The following SYBU variants were observed in gnomAD, a reference collection of about 807,000 sequenced individuals.
SYBU encodes GOLSYN A protein.
A neutral mutation model predicts 35.9 loss-of-function variants in SYBU; 21 were observed. The observed-to-expected ratio is 0.58, with a 90% confidence interval of 0.41 to 0.84. The LOEUF (loss-of-function observed/expected upper bound fraction) is 0.84, where lower values mean the gene tolerates loss of function less well. Among genes scored for constraint, SYBU ranks in the 40% least tolerant of loss-of-function variants. The pLI is 0.00. For synonymous variants in SYBU, 319 were observed against 324.3 expected (o/e 0.98, Z 0.18); for missense variants, 768 against 848.2 (o/e 0.91, Z 1.17).
intron 3 of SYBU, among the ~76,000 whole-genome samples, chr8:109,613,186 C>G (rs1811384900): frequency 6.6e-6 from 1 of 152,118 alleles, no homozygotes; most frequent in South Asian, 2.1e-4. Flanking sequence ...CATGGGATAA[C>G]ATAACCTGCT....
At chr8:109,663,657 T>C (rs1461361183) in intron 1 of SYBU, among the ~76,000 whole-genome samples, 1 of 152,142 alleles carries the variant, frequency 6.6e-6, no homozygotes, top group African/African-American at 2.4e-5. Flanking sequence ...AGTCTTTCCT[T>C]ACCCCTAGTA....
At chr8:109,645,322 C>T (rs1192895017), upstream of SYBU, 2 of 456,596 alleles carry the variant, frequency 4.4e-6, no homozygotes, top group East Asian at 6.9e-5. Context: ...TCAGGACCGA[C>T]ACAGCCTCTG....
Position 109,574,748 on chromosome 8 carries a change from T to G in SYBU, c.*158A>C. 1.4e-6 allele frequency: 1 copy of G among 737,036 alleles called. No homozygotes were observed. Among genetic ancestry groups the G allele is most frequent in the Non-Finnish European group, 2.0e-6 (1 of 499,360 alleles). 45.7% of individuals were successfully genotyped at this position (737,036 alleles called of 1,614,324 possible). On this transcript the variant is annotated 3_prime_UTR_variant, in exon 7 of 7. Coordinates refer to ENST00000276646, the MANE Select transcript of SYBU (RefSeq NM_001099754.2). ...TCCATGCCTTTGAAGATACCTCCGG[T>G]TTTAAACAGTGAACAGGCTTCAACT...
chr8:109,591,635 C>G (rs929836301), intron 3 of SYBU, among the ~76,000 whole-genome samples: 3 of 149,562 alleles, frequency 2.0e-5, no homozygotes, highest in Non-Finnish European at 1.5e-5. Flanking sequence ...CCTCAGCCTC[C>G]CGAGTAGCTG....
At chr8:109,634,466 T>C (rs75503437) in intron 2 of SYBU, among the ~76,000 whole-genome samples, 1,623 of 152,352 alleles carry the variant, frequency 0.011, 27 homozygotes, top group African/African-American at 0.037. Flanking sequence ...ACTACTAAGA[T>C]AGTGCCATGC....
At chr8:109,653,950 A>C (rs1012840309) in intron 1 of SYBU, among the ~76,000 whole-genome samples, 1 of 152,200 alleles carries the variant, frequency 6.6e-6, no homozygotes, top group African/African-American at 2.4e-5. Flanking sequence ...CCTATCAGTT[A>C]GTCTCTCATA....
At chr8:109,579,105 T>A (rs1009373014) in intron 5 of SYBU, among the ~76,000 whole-genome samples, 1 of 152,084 alleles carries the variant, frequency 6.6e-6, no homozygotes, top group African/African-American at 2.4e-5. Context: ...GGCAGCCAGC[T>A]CCTTCCCTGA....
In SYBU at chr8:109,600,661, A is replaced by T. The variant is rs1321009977; in HGVS notation, c.428-14499T>A. On this transcript the variant is annotated intron_variant, in intron 3 of 6. Coordinates refer to ENST00000276646, the MANE Select transcript of SYBU (RefSeq NM_001099754.2). Reference sequence around the variant, plus strand: ...CAGGTCATGAACATAGAGAAAAGATAAATTCTGAAAATCACAAACTGCTGT... The same window carrying T: ...CAGGTCATGAACATAGAGAAAAGATTAATTCTGAAAATCACAAACTGCTGT... 3.9e-5 allele frequency among the ~76,000 whole-genome samples: 6 copies of T among 152,250 alleles called. No individual in the cohort carries two copies. In the East Asian group the frequency reaches 1.2e-3, roughly 29 times the overall value.
At chr8:109,653,671 A>T (rs577496241) in intron 1 of SYBU, among the ~76,000 whole-genome samples, 1 of 152,010 alleles carries the variant, frequency 6.6e-6, no homozygotes, top group South Asian at 2.1e-4. Context: ...GTCTATTTTA[A>T]ATCTCCTCCA....
At chr8:109,654,417 C>T (rs960955456) in intron 1 of SYBU, among the ~76,000 whole-genome samples, 1 of 152,120 alleles carries the variant, frequency 6.6e-6, no homozygotes, top group African/African-American at 2.4e-5. Flanking sequence ...TTTTGAAAAG[C>T]ACTTTCATTT....
chr8:109,659,539 C>T (rs1257874972), intron 1 of SYBU, among the ~76,000 whole-genome samples: 1 of 152,144 alleles, frequency 6.6e-6, no homozygotes, highest in African/African-American at 2.4e-5. Flanking sequence ...CATTATATTT[C>T]ACATTGGTCC....
chr8:109,663,292 G>GATAT (rs1563771247), intron 1 of SYBU, among the ~76,000 whole-genome samples: 1 of 151,532 alleles, frequency 6.6e-6, no homozygotes, highest in Non-Finnish European at 1.5e-5. Flanking sequence ...TAGATAGATA[G>GATAT]ATAGATAGGT....
intron 2 of SYBU, among the ~76,000 whole-genome samples, chr8:109,621,114 A>G (rs1812356682): frequency 6.6e-6 from 1 of 152,218 alleles, no homozygotes; most frequent in African/African-American, 2.4e-5. Context: ...CTAACCTAAA[A>G]AACTCAGTTT....
At chr8:109,689,834 A>AGT (rs1817604906) in intron 1 of SYBU, among the ~76,000 whole-genome samples, 1 of 20,726 alleles carries the variant, frequency 4.8e-5, no homozygotes, top group Non-Finnish European at 1.2e-4. Context: ...TACAATATGA[A>AGT]AAAAAAAAAA....
At chr8:109,617,513 G>A (rs563118191) in intron 3 of SYBU, among the ~76,000 whole-genome samples, 1 of 152,322 alleles carries the variant, frequency 6.6e-6, no homozygotes, top group East Asian at 1.9e-4. Flanking sequence ...AGGCAGTTGA[G>A]CTAAGGGAGA....
At chr8:109,648,306 GGAGA>G (rs1230275258), upstream of SYBU, among the ~76,000 whole-genome samples, 3 of 144,370 alleles carry the variant, frequency 2.1e-5, no homozygotes, top group Non-Finnish European at 4.5e-5. Flanking sequence ...GCAAAGCACA[GGAGA>G]GATAGGGTAT....
chr8:109,642,417 A>T (rs1815004439), intron 2 of SYBU, among the ~76,000 whole-genome samples: 3 of 152,240 alleles, frequency 2.0e-5, no homozygotes. Flanking sequence ...CATGTTCTGC[A>T]CGTGTATCCC....
chr8:109,651,068 G>A (rs1426829928), intron 1 of SYBU, among the ~76,000 whole-genome samples: 1 of 152,220 alleles, frequency 6.6e-6, no homozygotes, highest in East Asian at 1.9e-4. Context: ...ACTGATCTGA[G>A]ATACAGGGAT....
chr8:109,676,715 A>T (rs1817204463), intron 1 of SYBU, among the ~76,000 whole-genome samples: 1 of 152,218 alleles, frequency 6.6e-6, no homozygotes, highest in South Asian at 2.1e-4. Context: ...TTCAACTGGA[A>T]TAGAAAAAGT....
Sources: gnomAD v4.1 joint callset for allele counts (sites outside exome capture counted in the v4.1 genomes callset) on GRCh38, gnomAD v4.1.1 for gene constraint, MANE v1.5 for transcripts, NCBI Gene and HGNC (gene_info 2026-07-23, HGNC 2026-07-21) for gene names.